The following CPNE8 variants were observed in gnomAD, a reference collection of about 807,000 sequenced individuals.
CPNE8 encodes the protein copine-8.
A neutral mutation model predicts 81.5 loss-of-function variants in CPNE8; 45 were observed. That is an observed-to-expected ratio of 0.55 (90% CI 0.44 to 0.71). The LOEUF is 0.71. CPNE8 is among the 30% of genes least tolerant of loss of function. CPNE8 has a pLI of 0.00. For missense variants in CPNE8, 594 were observed against 672.1 expected (o/e 0.88, Z 1.28); for synonymous variants, 252 against 226.3 (o/e 1.11, Z -1.02).
intron 19 of CPNE8, among the ~76,000 whole-genome samples, chr12:38,666,248 T>C (rs183257557): frequency 4.9e-4 from 74 of 152,248 alleles, no homozygotes; most frequent in Non-Finnish European, 9.1e-4. Context: ...TAATTTTCTT[T>C]ATAATTTTGT....
intron 10 of CPNE8, among the ~76,000 whole-genome samples, chr12:38,758,232 T>A (rs1281432939): frequency 6.6e-6 from 1 of 152,068 alleles, no homozygotes; most frequent in Non-Finnish European, 1.5e-5. Flanking sequence ...CACATTTCAC[T>A]GGTCCTTTCA....
upstream of CPNE8, chr12:38,906,705 G>A (rs1944576803): frequency 1.6e-6 from 1 of 640,950 alleles, no homozygotes; most frequent in Non-Finnish European, 1.9e-6. Context: ...TAGACGAGGC[G>A]CCCCTCCACT....
intron 14 of CPNE8, among the ~76,000 whole-genome samples, chr12:38,695,404 A>G (rs1440409722): frequency 6.6e-6 from 1 of 152,152 alleles, no homozygotes; most frequent in African/African-American, 2.4e-5. Flanking sequence ...GTCCTCTAGG[A>G]CTTTTCCAGT....
chr12:38,666,843 G>C (rs573923115), intron 19 of CPNE8, among the ~76,000 whole-genome samples: 1 of 152,000 alleles, frequency 6.6e-6, no homozygotes, highest in Non-Finnish European at 1.5e-5. Flanking sequence ...TAATTAGCTG[G>C]GTGACTGTGG....
At chr12:38,761,856 T>A (rs1214937400) in intron 9 of CPNE8, among the ~76,000 whole-genome samples, 1 of 152,216 alleles carries the variant, frequency 6.6e-6, no homozygotes, top group Non-Finnish European at 1.5e-5. Context: ...GTTGCAACTT[T>A]CGTGTTTCTA....
At chr12:38,713,369 G>A (rs189610227) in intron 13 of CPNE8, among the ~76,000 whole-genome samples, 84 of 152,192 alleles carry the variant, frequency 5.5e-4, no homozygotes, top group African/African-American at 1.8e-3. Context: ...CTTCCTCCAA[G>A]TAACTACAAC....
intron 11 of CPNE8, among the ~76,000 whole-genome samples, chr12:38,725,136 G>C (rs1940663549): frequency 6.6e-6 from 1 of 152,076 alleles, no homozygotes; most frequent in Non-Finnish European, 1.5e-5. Flanking sequence ...TGTACATATT[G>C]ATTACCCTTA....
At chr12:38,842,826 C>G (rs932573917) in intron 4 of CPNE8, among the ~76,000 whole-genome samples, 3 of 152,002 alleles carry the variant, frequency 2.0e-5, no homozygotes, top group Non-Finnish European at 4.4e-5. Context: ...AATCCGCCCC[C>G]CTCAGCCTCC....
intron 6 of CPNE8, among the ~76,000 whole-genome samples, chr12:38,797,471 G>C (rs1008287402): frequency 6.6e-6 from 1 of 152,186 alleles, no homozygotes; most frequent in East Asian, 1.9e-4. Flanking sequence ...AACTCCAACA[G>C]ACCTGCAGCT....
At chr12:38,897,812 G>T (rs994370681) in intron 1 of CPNE8, among the ~76,000 whole-genome samples, 1 of 151,994 alleles carries the variant, frequency 6.6e-6, no homozygotes, top group African/African-American at 2.4e-5. Context: ...ATCATTGAGT[G>T]CTTAACTAAT....
At chr12:38,722,361 G>C (rs571867533) in intron 13 of CPNE8, among the ~76,000 whole-genome samples, 1 of 152,140 alleles carries the variant, frequency 6.6e-6, no homozygotes, top group South Asian at 2.1e-4. Context: ...TTGGATGCCC[G>C]TATATAGCAA....
chr12:38,890,928 AT>A (rs58697274), intron 1 of CPNE8, among the ~76,000 whole-genome samples: 2 of 148,956 alleles, frequency 1.3e-5, no homozygotes, highest in Non-Finnish European at 3.0e-5. Context: ...TATATAAAAT[AT>A]TTTTTTTGAG....
chr12:38,778,806 T>A (rs1195917643), intron 6 of CPNE8, among the ~76,000 whole-genome samples: 1 of 152,238 alleles, frequency 6.6e-6, no homozygotes, highest in Non-Finnish European at 1.5e-5. Flanking sequence ...CAGAGTTAAA[T>A]GTCTGTATAC....
intron 10 of CPNE8, among the ~76,000 whole-genome samples, chr12:38,749,837 G>T (rs796584444): frequency 2.6e-5 from 4 of 152,308 alleles, no homozygotes; most frequent in Admixed American, 1.3e-4. Flanking sequence ...CAATGTAATA[G>T]AAATGAAAAT....
At chr12:38,866,281 ATATCTAC>A (rs1943912445) in intron 3 of CPNE8, among the ~76,000 whole-genome samples, 1 of 152,246 alleles carries the variant, frequency 6.6e-6, no homozygotes, top group African/African-American at 2.4e-5. Flanking sequence ...ACTCCTTCCA[ATATCTAC>A]TAAAGAAATA....
chr12:38,673,760 T>A (rs991796485), intron 18 of CPNE8, among the ~76,000 whole-genome samples: 1 of 151,936 alleles, frequency 6.6e-6, no homozygotes, highest in Middle Eastern at 3.2e-3. Flanking sequence ...CCTTTCTGCA[T>A]GGAAAGAGGA....
chr12:38,778,680 G>A (rs1050133969), intron 6 of CPNE8, among the ~76,000 whole-genome samples: 3 of 152,146 alleles, frequency 2.0e-5, no homozygotes, highest in Non-Finnish European at 4.4e-5. Context: ...ATACTGCAAG[G>A]TTTAGCACTT....
chr12:38,740,161 T>A (rs974743311), intron 10 of CPNE8, among the ~76,000 whole-genome samples: 3 of 152,220 alleles, frequency 2.0e-5, no homozygotes, highest in Non-Finnish European at 4.4e-5. Flanking sequence ...TTAGAAGCAA[T>A]TGTGAATGGG....
chr12:38,759,254 TA>T (rs1367217163), intron 10 of CPNE8, among the ~76,000 whole-genome samples: 1 of 152,194 alleles, frequency 6.6e-6, no homozygotes, highest in Non-Finnish European at 1.5e-5. Flanking sequence ...GGAAATGGGT[TA>T]AAAATTACTA....
Sources: gnomAD v4.1 joint callset for allele counts (sites outside exome capture counted in the v4.1 genomes callset) on GRCh38, gnomAD v4.1.1 for gene constraint, MANE v1.5 for transcripts, NCBI Gene and HGNC (gene_info 2026-07-23, HGNC 2026-07-21) for gene names.